Variants in RGPD1 observed in about 807,000 individuals in gnomAD.
RGPD1 encodes the protein RANBP2 like and GRIP domain containing 1.
In RGPD1, 7 loss-of-function variants were observed where a neutral mutation model predicts 40.6. That is an observed-to-expected ratio of 0.17 (90% CI 0.10 to 0.32). RGPD1 has a LOEUF of 0.32. Among genes scored for constraint, RGPD1 ranks in the 10% least tolerant of loss-of-function variants. RGPD1 has a pLI of 1.00. For missense variants in RGPD1, 50 were observed against 472.5 expected (o/e 0.11, Z 8.29); for synonymous variants, 24 against 167.0 (o/e 0.14, Z 6.60).
intron 1 of RGPD1, among the ~76,000 whole-genome samples, chr2:86,923,280 C>T (rs1040896254): frequency 6.6e-5 from 10 of 151,642 alleles, no homozygotes; most frequent in African/African-American, 2.4e-4. Flanking sequence ...CTCAAGTGAC[C>T]TTCCTGACCT....
At chr2:86,915,183 C>A (rs1038817270) in intron 1 of RGPD1, among the ~76,000 whole-genome samples, 1 of 150,238 alleles carries the variant, frequency 6.7e-6, no homozygotes, top group African/African-American at 2.4e-5. Context: ...GTAATCTCAG[C>A]TACTTGGGAG....
chr2:86,931,130 G>C (rs371190897), intron 1 of RGPD1, among the ~76,000 whole-genome samples: 3 of 128,372 alleles, frequency 2.3e-5, no homozygotes, highest in Non-Finnish European at 4.8e-5. Flanking sequence ...CTCTGATAAA[G>C]TGATAATCTC....
chr2:86,942,142 G>C lies in RGPD1; in HGVS notation c.-95G>C. On this transcript the variant is annotated 5_prime_UTR_variant, in exon 1 of 23. Coordinates refer to ENST00000641458, the MANE Select transcript of RGPD1 (RefSeq NM_001382344.1). ...GTCACAGTGGTCCTCCGCCGGCTAC[G>C]TCAGTGGCTTTCAGGCGCTTTCCTG... 1.3e-6 allele frequency: 2 copies of C among 1,491,740 alleles called. No individual in the cohort carries two copies. Among genetic ancestry groups the C allele is most frequent in the Non-Finnish European group, 1.8e-6 (2 of 1,108,628 alleles). 92.4% of individuals were successfully genotyped at this position (1,491,740 alleles called of 1,614,324 possible).
At position 86,986,851 on chromosome 2, in the gene RGPD1, CAAG is replaced by C. The variant is rs1427830211; in HGVS notation, c.3960_3962del (p.Glu1321del). ...CACTGATGAAGAATCTGATGTTACT[CAAG>C]AAGAAGAGAGAGATGGACAGTACTT... On this transcript the variant is annotated inframe_deletion, in exon 20 of 23. Transcript: ENST00000641458. 373 of 1,525,568 alleles carry C rather than the reference CAAG, an allele frequency of 2.4e-4. 8 individuals carry two copies. The highest frequency in any genetic ancestry group is 1.9e-3 in the Middle Eastern group (8 of 4,252). 94.5% of individuals were successfully genotyped at this position (1,525,568 alleles called of 1,614,324 possible). A position where few individuals can be genotyped will look rare whatever the true frequency, so the allele number is the denominator to read the frequency against.
In RGPD1 at chr2:86,914,283, GGGCGGCGGCGGCGGCGGC is replaced by G. The variant is rs533309212; in HGVS notation, c.72+381_72+398del. ...CTCGGCCTCGGCCTTGGCCTCGGCC[GGGCGGCGGCGGCGGCGGC>G]GGCGGCGGCGGCGGCGGCCTCGGCC... is the stretch of plus-strand genomic sequence containing the variant. On this transcript the variant is annotated intron_variant, in intron 1 of 22. Coordinates refer to the RGPD1 transcript ENST00000398193. Among the ~76,000 whole-genome samples, 30 of 10,218 alleles carry G rather than the reference GGGCGGCGGCGGCGGCGGC, an allele frequency of 2.9e-3. 1 individual carries two copies. The highest frequency in any genetic ancestry group is 4.6e-3 in the African/African-American group (5 of 1,084). 6.7% of individuals were successfully genotyped at this position (10,218 alleles called of 152,430 possible).
chr2:86,915,237 G>C (rs62146839), intron 1 of RGPD1, among the ~76,000 whole-genome samples: 3 of 150,096 alleles, frequency 2.0e-5, no homozygotes, highest in African/African-American at 4.9e-5. Context: ...CGGAGGTTGC[G>C]GTGAGCCAAG....
At chr2:86,964,199 T>C (rs1681082211) in intron 7 of RGPD1, among the ~76,000 whole-genome samples, 1 of 106,748 alleles carries the variant, frequency 9.4e-6, no homozygotes, top group South Asian at 3.1e-4. Context: ...CCCACCACCA[T>C]GCCTGGCTAA....
In RGPD1 at chr2:86,942,187, C is replaced by G; in HGVS notation, c.-50C>G. ...TTCCTGTTGGAATTGGCGACTGCTG[C>G]GGGGCTGAGCGCTGGTTTCACGCGT... is the stretch of plus-strand genomic sequence containing the variant. On this transcript the variant is annotated 5_prime_UTR_variant, in exon 1 of 23. Transcript: ENST00000641458. The G allele has an allele frequency of 1.9e-6, 3 of 1,556,004 alleles. No homozygotes were observed. Among genetic ancestry groups the G allele is most frequent in the Non-Finnish European group, 8.7e-7 (1 of 1,151,282 alleles).
upstream of RGPD1, among the ~76,000 whole-genome samples, chr2:86,941,481 G>C (rs1393193702): frequency 1.4e-5 from 2 of 147,432 alleles, no homozygotes; most frequent in Admixed American, 6.8e-5. Context: ...TGGAACTCTT[G>C]GGATCCTCCC....
At chr2:86,914,175 TGGCCGGACGGCGGCGG>T (rs1310194601) in intron 1 of RGPD1, among the ~76,000 whole-genome samples, 1 of 32,846 alleles carries the variant, frequency 3.0e-5, no homozygotes, top group East Asian at 7.5e-4. Context: ...GGCCTCGGCC[TGGCCGGACGGCGGCGG>T]CGGCCTCGGC....
intron 1 of RGPD1, among the ~76,000 whole-genome samples, chr2:86,944,509 C>T (rs1268116590): frequency 2.4e-4 from 36 of 152,072 alleles, no homozygotes; most frequent in Admixed American, 2.4e-3. Flanking sequence ...CTCAAGCGAT[C>T]CTCCCACCTC....
At chr2:86,923,367 A>G (rs1311261509) in intron 1 of RGPD1, among the ~76,000 whole-genome samples, 1 of 151,314 alleles carries the variant, frequency 6.6e-6, no homozygotes, top group African/African-American at 2.4e-5. Flanking sequence ...AAGTGGTCCA[A>G]ATATGTTTTT....
At position 86,914,899 on chromosome 2, in the gene RGPD1, G is replaced by GGGCGGC. The variant is rs1405211170; in HGVS notation, c.72+984_72+989dup. Among the ~76,000 whole-genome samples, 5 of 15,784 alleles carry GGGCGGC rather than the reference G, an allele frequency of 3.2e-4. 2 individuals carry two copies. Among genetic ancestry groups the GGGCGGC allele is most frequent in the African/African-American group, 2.2e-3 (5 of 2,234 alleles). 10.4% of individuals were successfully genotyped at this position (15,784 alleles called of 152,430 possible). On this transcript the variant is annotated intron_variant, in intron 1 of 22. Transcript: ENST00000398193. Reference sequence around the variant, plus strand: ...CGGCGGCGGCGGCCTCGACCTGGCCGGGCGGCGGCGGAGGCGGCGGCCTCG... The same window carrying GGGCGGC: ...CGGCGGCGGCGGCCTCGACCTGGCCGGGCGGCGGCGGCGGCGGAGGCGGCGGCCTCG...
chr2:86,945,041 TAAA>T (rs1170415303), intron 1 of RGPD1, among the ~76,000 whole-genome samples: 2 of 139,480 alleles, frequency 1.4e-5, no homozygotes, highest in East Asian at 2.1e-4. Flanking sequence ...TAAACAAGCT[TAAA>T]AAAAAAAAAA....
intron 1 of RGPD1, among the ~76,000 whole-genome samples, chr2:86,945,684 C>T (rs1324060777): frequency 1.3e-5 from 2 of 151,852 alleles, no homozygotes; most frequent in Non-Finnish European, 2.9e-5. Context: ...GAGAGACCAG[C>T]CTGACCAACA....
At chr2:86,941,733 T>A (rs1679772620), upstream of RGPD1, among the ~76,000 whole-genome samples, 3 of 150,606 alleles carry the variant, frequency 2.0e-5, no homozygotes, top group South Asian at 2.1e-4. Context: ...TTTTTTTTTT[T>A]AGGAAGTCTT....
At chr2:86,943,129 C>T (rs948221821) in intron 1 of RGPD1, among the ~76,000 whole-genome samples, 4 of 151,354 alleles carry the variant, frequency 2.6e-5, no homozygotes, top group Admixed American at 2.0e-4. Flanking sequence ...GCGGCTGTGT[C>T]GAGTGACAAC....
At chr2:86,942,389 G>T (rs1247970635) in intron 1 of RGPD1, 81 bp downstream of exon 1, 1 of 1,019,202 alleles carries the variant, frequency 9.8e-7, no homozygotes. Context: ...GCCTCGACCT[G>T]GCCGGGCGGC....
At chr2:86,936,894 T>C (rs1358991405) in intron 1 of RGPD1, among the ~76,000 whole-genome samples, 3 of 140,876 alleles carry the variant, frequency 2.1e-5, no homozygotes, top group Non-Finnish European at 4.6e-5. Flanking sequence ...CAGACATTGC[T>C]TAACAAAGAG....
Sources: allele counts gnomAD v4.1 joint callset (sites outside exome capture counted in the v4.1 genomes callset), GRCh38; gene constraint gnomAD v4.1.1; transcripts MANE v1.5; gene names NCBI Gene and HGNC (gene_info 2026-07-23, HGNC 2026-07-21).